CDH3: variants seen among roughly 807,000 people sequenced by gnomAD.
CDH3 encodes cadherin 3.
In CDH3, 54 loss-of-function variants were observed where a neutral mutation model predicts 82.0. That is an observed-to-expected ratio of 0.66 (90% confidence interval 0.53 to 0.83). CDH3 has a LOEUF of 0.83. Ranked by LOEUF, CDH3 falls within the 40% of genes least tolerant of loss-of-function variation. The probability of loss-of-function intolerance (pLI) is 0.00; values close to 1 mark genes in which losing one functional copy is unlikely to be tolerated. For missense variants in CDH3, 1,054 were observed against 1,084.6 expected (o/e 0.97, Z 0.40); for synonymous variants, 446 against 437.9 (o/e 1.02, Z -0.23).
At chr16:68,673,122 C>T (rs1471515780) in intron 2 of CDH3, among the ~76,000 whole-genome samples, 1 of 152,128 alleles carries the variant, frequency 6.6e-6, no homozygotes, top group Non-Finnish European at 1.5e-5. Flanking sequence ...CATTATAATA[C>T]ATAGGTTTTG....
chr16:68,651,270 G>A, intron 2 of CDH3: 2 of 543,070 alleles, frequency 3.7e-6, no homozygotes, highest in Non-Finnish European at 3.8e-6. Context: ...TGTCATAGAT[G>A]TGCAGCTGGG....
chr16:68,709,394 AG>A, intron 1 of CDH3, among the ~76,000 whole-genome samples: 1 of 152,060 alleles, frequency 6.6e-6, no homozygotes, highest in African/African-American at 2.4e-5. Flanking sequence ...TGTCAATTAG[AG>A]TGCTGGCAAG....
intron 2 of CDH3, chr16:68,645,975 C>T: frequency 1.8e-6 from 1 of 569,462 alleles, no homozygotes; most frequent in Non-Finnish European, 3.1e-6. Context: ...GTAGCCACTG[C>T]TTACCTTGAC....
intron 1 of CDH3, among the ~76,000 whole-genome samples, chr16:68,720,778 C>T (rs13339577): frequency 0.033 from 5,050 of 151,968 alleles, 276 homozygotes; most frequent in African/African-American, 0.11. Context: ...CCTGCCACCA[C>T]GCCGACTAAT....
intron 1 of CDH3, among the ~76,000 whole-genome samples, chr16:68,709,357 C>A (rs987574556): frequency 6.6e-6 from 1 of 152,146 alleles, no homozygotes; most frequent in African/African-American, 2.4e-5. Context: ...CAGGCACGAG[C>A]CCCTGCACCC....
In CDH3 at chr16:68,650,313, T is replaced by C. The variant is rs569046631; in HGVS notation, c.160+4563T>C. ...TTGGGGAAAAAATATATATATTTTT[T>C]CTTTTTTTGAGACGGAGTTTTGCTC... On this transcript the variant is annotated intron_variant, in intron 2 of 15. Coordinates refer to ENST00000264012, the MANE Select transcript of CDH3 (RefSeq NM_001793.6). 1.6e-4 allele frequency among the ~76,000 whole-genome samples: 25 copies of C among 152,258 alleles called. 1 individual carries two copies. The highest frequency in any genetic ancestry group is 1.1e-3 in the Admixed American group (17 of 15,298).
downstream of CDH3, among the ~76,000 whole-genome samples, chr16:68,701,754 G>A (rs1270803488): frequency 2.6e-5 from 4 of 151,836 alleles, no homozygotes; most frequent in Admixed American, 1.3e-4. Context: ...GGCCGGGCGC[G>A]GTGACTCACG....
chr16:68,708,701 C>A (rs769893744), intron 1 of CDH3, among the ~76,000 whole-genome samples: 1 of 151,220 alleles, frequency 6.6e-6, no homozygotes, highest in South Asian at 2.1e-4. Context: ...TGGAGTACAG[C>A]GGCATGATCT....
intron 14 of CDH3, among the ~76,000 whole-genome samples, 170 bp from the exon 15 acceptor site, chr16:68,695,607 A>G (rs1961697144): frequency 1.3e-5 from 2 of 152,230 alleles, no homozygotes; most frequent in Admixed American, 1.3e-4. Flanking sequence ...TTGCTAGGAC[A>G]AGGGAGGATG....
intron 1 of CDH3, among the ~76,000 whole-genome samples, chr16:68,721,544 C>A (rs1353951970): frequency 6.6e-6 from 1 of 152,056 alleles, no homozygotes; most frequent in Non-Finnish European, 1.5e-5. Context: ...ACAGTTCAGT[C>A]TTTTAACTGC....
intron 9 of CDH3, 49 bp from the exon 10 acceptor site, chr16:68,684,534 A>G (rs754873484): frequency 1.1e-5 from 17 of 1,609,690 alleles, no homozygotes; most frequent in Non-Finnish European, 1.3e-5. Flanking sequence ...CCTGCACAGG[A>G]CCTCCTCTCA....
chr16:68,704,552 C>T (rs1457703608), downstream of CDH3, among the ~76,000 whole-genome samples: 2 of 152,228 alleles, frequency 1.3e-5, no homozygotes, highest in Non-Finnish European at 2.9e-5. Context: ...ACCACCACAG[C>T]GCATAGAACT....
intron 1 of CDH3, among the ~76,000 whole-genome samples, chr16:68,716,896 T>C: frequency 7.3e-6 from 1 of 136,392 alleles, no homozygotes; most frequent in South Asian, 2.4e-4. Context: ...GATTTTTTTC[T>C]TTTTTTTTTT....
At chr16:68,663,200 C>T (rs975045566) in intron 2 of CDH3, among the ~76,000 whole-genome samples, 2 of 148,340 alleles carry the variant, frequency 1.3e-5, no homozygotes, top group Non-Finnish European at 3.0e-5. Context: ...AAAGGCATAT[C>T]ACTGAGTTTC....
downstream of CDH3, among the ~76,000 whole-genome samples, chr16:68,703,239 T>C (rs566262510): frequency 6.6e-6 from 1 of 152,274 alleles, no homozygotes; most frequent in Admixed American, 6.5e-5. Flanking sequence ...CATGCTCTCA[T>C]TCCTAGACAG....
chr16:68,700,259 T>C lies in CDH3; in HGVS notation c.*1859T>C, dbSNP rs1365855353. On this transcript the variant is annotated 3_prime_UTR_variant, in exon 16 of 16. Coordinates refer to ENST00000264012, the MANE Select transcript of CDH3 (RefSeq NM_001793.6). ...AGAATCTGAAGTGAAGCTGAGGAAA[T>C]TGCTGATGTTGAAATAAACATTTCC... The C allele has an allele frequency of 1.3e-5, 2 of 152,186 alleles. No homozygotes were observed. Among genetic ancestry groups the C allele is most frequent in the Admixed American group, 1.3e-4 (2 of 15,272 alleles). The allele number at this position is 152,186 out of a possible 1,614,324, so 9.4% of individuals were successfully genotyped here.
chr16:68,698,277 C>T lies in CDH3; in HGVS notation c.2367C>T (p.Ala789=), dbSNP rs139301066. ...ACTATGAGGGCAGCGGCTCCGACGC[C>T]GCGTCCCTGAGCTCCCTCACCTCCT... ...VFDYEGSGSD[A]ASLSSLTSSA... is the part of the protein sequence containing the mutation. Residue 789 remains alanine (A), a synonymous_variant, in exon 16 of 16, where the codon GCC becomes GCT. Coordinates refer to ENST00000264012, the MANE Select transcript of CDH3 (RefSeq NM_001793.6). 53 of 1,614,114 alleles carry T rather than the reference C, an allele frequency of 3.3e-5. 1 individual carries two copies. Among genetic ancestry groups the T allele is most frequent in the Admixed American group, 6.7e-5 (4 of 60,012 alleles).
intron 2 of CDH3, among the ~76,000 whole-genome samples, chr16:68,653,721 G>A (rs1188123562): frequency 1.5e-5 from 2 of 136,816 alleles, no homozygotes; most frequent in Admixed American, 1.6e-4. Flanking sequence ...ACGGAGTCTC[G>A]CTCTGTCGCC....
intron 2 of CDH3, among the ~76,000 whole-genome samples, chr16:68,662,976 C>G (rs1314392272): frequency 7.0e-6 from 1 of 143,288 alleles, no homozygotes; most frequent in East Asian, 2.2e-4. Context: ...TCAAGCTATT[C>G]TCCTGCTTTA....
Sources: gnomAD v4.1 joint callset for allele counts (sites outside exome capture counted in the v4.1 genomes callset) on GRCh38, gnomAD v4.1.1 for gene constraint, MANE v1.5 for transcripts, NCBI Gene and HGNC (gene_info 2026-07-23, HGNC 2026-07-21) for gene names.